Variants in SMARCA4 observed in about 807,000 individuals in gnomAD.
The protein encoded by SMARCA4 is SWI/SNF-related matrix-associated actin-dependent regulator of chromatin subfamily A member 4.
SMARCA4 carries 31 observed loss-of-function variants against 193.9 expected under a neutral mutation model. The ratio of observed to expected loss-of-function variants is 0.16; its 90% confidence interval spans 0.12 to 0.22. The LOEUF (loss-of-function observed/expected upper bound fraction) is 0.22, where lower values mean the gene tolerates loss of function less well. Among genes scored for constraint, SMARCA4 ranks in the 10% least tolerant of loss-of-function variants. The pLI, the probability that SMARCA4 is intolerant of heterozygous loss-of-function variation, is 1.00. For missense variants in SMARCA4, 1,148 were observed against 2,296.0 expected (o/e 0.50, Z 10.22); for synonymous variants, 942 against 933.1 (o/e 1.01, Z -0.17).
intron 24 of SMARCA4, among the ~76,000 whole-genome samples, chr19:11,028,826 A>G (rs1265206706): frequency 6.8e-6 from 1 of 147,060 alleles, no homozygotes. Context: ...CTTACGAGAA[A>G]CACGAGCATG....
chr19:10,987,130 T>C lies in SMARCA4; in HGVS notation c.859+127T>C. 1 of 723,426 alleles carries C rather than the reference T, an allele frequency of 1.4e-6. No individual in the cohort carries two copies. Among genetic ancestry groups the C allele is most frequent in the Admixed American group, 2.0e-5 (1 of 49,208 alleles). 44.8% of individuals were successfully genotyped at this position (723,426 alleles called of 1,614,324 possible). On this transcript the variant is annotated intron_variant, in intron 5 of 34. Transcript: ENST00000344626. The surrounding 1 kb of genome is among the most constrained non-coding windows in gnomAD (Gnocchi z 5.3). ...TCAGGCTGAACTGCAGCCTGTACTT[T>C]TCTTGTGGTGGTCCCCGGGTCTCCC...
intron 1 of SMARCA4, among the ~76,000 whole-genome samples, chr19:10,973,015 A>G (rs2084805807): frequency 6.6e-6 from 1 of 152,012 alleles, no homozygotes. Flanking sequence ...AGGCCGGGGC[A>G]GGAGAATTGC....
At chr19:10,991,094 A>C (rs1600020771) in intron 7 of SMARCA4, 56 bp from the exon 8 acceptor site, 1 of 1,607,072 alleles carries the variant, frequency 6.2e-7, no homozygotes, top group East Asian at 2.2e-5. Context: ...CGTGTTTGTC[A>C]TTGTGGATGC....
At position 11,007,894 on chromosome 19, in the gene SMARCA4, C is replaced by A. The variant is rs1321200464; in HGVS notation, c.2002-8C>A. 5 of 1,613,450 alleles carry A rather than the reference C, an allele frequency of 3.1e-6. No individual in the cohort carries two copies. Among genetic ancestry groups the A allele is most frequent in the Non-Finnish European group, 4.2e-6 (5 of 1,179,760 alleles). ...GAACTGAGGTGACATGGGCTTGTCT[C>A]TTGGTAGGAGGAGGAGGAAGAGCAG... On this transcript the variant is annotated splice_region_variant and splice_polypyrimidine_tract_variant and intron_variant, in intron 13 of 34. Transcript: ENST00000344626.
At chr19:10,972,086 A>C (rs1384432471) in intron 1 of SMARCA4, among the ~76,000 whole-genome samples, 1 of 151,496 alleles carries the variant, frequency 6.6e-6, no homozygotes, top group Non-Finnish European at 1.5e-5. Flanking sequence ...CCCCACACCG[A>C]GTAGCTGGGA....
At chr19:11,047,626 T>C (rs192370345) in intron 30 of SMARCA4, 1 of 152,304 alleles carries the variant, frequency 6.6e-6, no homozygotes, top group Admixed American at 6.5e-5. Flanking sequence ...GCCAGGCTGG[T>C]CTCGAACTCC....
Position 11,043,093 on chromosome 19 carries a change from C to T in SMARCA4, c.4424+1533C>T, listed in dbSNP as rs896409526. 3.9e-5 allele frequency among the ~76,000 whole-genome samples: 6 copies of T among 152,150 alleles called. No individual in the cohort carries two copies. In the East Asian group the frequency reaches 7.7e-4, roughly 20 times the overall value. On this transcript the variant is annotated intron_variant, in intron 30 of 34. Transcript: ENST00000344626. ...ATCACTTGAGGTCAGGAGTTTGAAACCAGCATGGCCAATATGGCGAAACCC... is the reference window on the plus strand; with the variant it reads ...ATCACTTGAGGTCAGGAGTTTGAAATCAGCATGGCCAATATGGCGAAACCC...
At chr19:11,028,277 G>T (rs926097280) in intron 24 of SMARCA4, among the ~76,000 whole-genome samples, 2 of 152,218 alleles carry the variant, frequency 1.3e-5, no homozygotes, top group Non-Finnish European at 2.9e-5. Flanking sequence ...AGCACCAATA[G>T]GCTTACATAG....
At chr19:11,004,499 C>T (rs144704436) in intron 13 of SMARCA4, among the ~76,000 whole-genome samples, 2 of 152,212 alleles carry the variant, frequency 1.3e-5, no homozygotes, top group African/African-American at 2.4e-5. Context: ...GATCCACCCA[C>T]CTGGGCCTCC....
chr19:11,040,735 T>G (rs957586247), intron 29 of SMARCA4: 2 of 152,008 alleles, frequency 1.3e-5, no homozygotes, highest in Non-Finnish European at 2.9e-5. Context: ...TGGGCAATAT[T>G]ATGAGACCCC....
At chr19:10,992,834 G>T (rs138911317) in intron 8 of SMARCA4, among the ~76,000 whole-genome samples, 5 of 151,860 alleles carry the variant, frequency 3.3e-5, no homozygotes, top group Non-Finnish European at 5.9e-5. Context: ...CTCGTGATCC[G>T]CCTGCCTCGG....
rs2076644332 is a variant in SMARCA4, at chr19:11,058,082, G to A, written c.4425-173G>A. 6.6e-6 allele frequency among the ~76,000 whole-genome samples: 1 copy of A among 151,616 alleles called. No homozygotes were observed. Among genetic ancestry groups the A allele is most frequent in the African/African-American group, 2.4e-5 (1 of 41,322 alleles). On this transcript the variant is annotated intron_variant, in intron 30 of 34. Coordinates refer to ENST00000344626, the MANE Select transcript of SMARCA4 (RefSeq NM_003072.5). This position sits in a 1 kb window ranked among gnomAD's most constrained non-coding sequence, Gnocchi z 5.8. ...GATCGCACCATTGCACTCCAGCCTG[G>A]GCAGCAAGAGCGAAACTCCGTCTCA...
chr19:11,039,412 G>T (rs757009765), intron 29 of SMARCA4: 3 of 1,158,384 alleles, frequency 2.6e-6, no homozygotes, highest in African/African-American at 3.1e-5. Flanking sequence ...ATTAGGGCAC[G>T]TTGTGCACTG....
At chr19:11,010,801 G>T in intron 15 of SMARCA4, 1 of 497,298 alleles carries the variant, frequency 2.0e-6, no homozygotes, top group Non-Finnish European at 3.7e-6. Context: ...TTGCACTCCA[G>T]TGGCCTCACA....
Position 10,986,791 on chromosome 19 carries a change from G to A in SMARCA4, c.761-114G>A, listed in dbSNP as rs193138968. 16 of 1,232,166 alleles carry A rather than the reference G, an allele frequency of 1.3e-5. 1 individual carries two copies. The highest frequency in any genetic ancestry group is 7.4e-5 in the African/African-American group (5 of 67,414). 76.3% of individuals were successfully genotyped at this position (1,232,166 alleles called of 1,614,324 possible). A position where few individuals can be genotyped will look rare whatever the true frequency, so the allele number is the denominator to read the frequency against. On this transcript the variant is annotated intron_variant, in intron 4 of 34. Transcript: ENST00000344626. This position sits in a 1 kb window ranked among gnomAD's most constrained non-coding sequence, Gnocchi z 6.7. ...CCAGCTCCCCGCTTCCCCTGGGGCC[G>A]CTGGTTAATAGGTGTATCTGCTGTG...
chr19:11,031,116 G>GCTTATA lies in SMARCA4; in HGVS notation c.3546+224_3546+225insTTATAC. 1.7e-6 allele frequency: 1 copy of GCTTATA among 596,246 alleles called. No individual in the cohort carries two copies. 36.9% of individuals were successfully genotyped at this position (596,246 alleles called of 1,614,324 possible). On this transcript the variant is annotated intron_variant, in intron 25 of 34. Transcript: ENST00000344626. The surrounding 1 kb of genome is among the most constrained non-coding windows in gnomAD (Gnocchi z 4.3). ...ACAGCCTTTCCCTCTGATTGGGAAAGCAGTGTATAAGCCATCCGTCGGTTT... is the reference window on the plus strand; with the variant it reads ...ACAGCCTTTCCCTCTGATTGGGAAAGCTTATACAGTGTATAAGCCATCCGTCGGTTT...
rs1060504435 is a variant in SMARCA4 at position 10,985,293 on chromosome 19, G to T, written c.243G>T (p.Glu81Asp). 1 of 1,614,058 alleles carries T rather than the reference G, an allele frequency of 6.2e-7. No individual in the cohort carries two copies. Among genetic ancestry groups the T allele is most frequent in the Non-Finnish European group, 8.5e-7 (1 of 1,180,012 alleles). ...QMHKPMESMH[E>D]KGMSDDPRYN... The stretch of plus-strand genomic sequence containing the variant: ...CGCAGCCCATGGAGTCCATGCATGA[G>T]AAGGGCATGTCGGACGACCCGCGCT... Residue 81 changes from glutamate (E) to aspartate (D), a missense_variant, in exon 3 of 35, where the codon GAG becomes GAT. Coordinates refer to ENST00000344626, the MANE Select transcript of SMARCA4 (RefSeq NM_003072.5). This position sits in a 1 kb window ranked among gnomAD's most constrained non-coding sequence, Gnocchi z 4.5.
chr19:11,033,610 TA>T lies in SMARCA4; in HGVS notation c.3774+94del. The T allele has an allele frequency of 2.1e-6, 2 of 965,300 alleles. No individual in the cohort carries two copies. The highest frequency in any genetic ancestry group is 2.4e-5 in the East Asian group (1 of 41,044). The allele number at this position is 965,300 out of a possible 1,614,324, so 59.8% of individuals were successfully genotyped here. A position where few individuals can be genotyped will look rare whatever the true frequency, so the allele number is the denominator to read the frequency against. ...TGTTTTTTTACCTTTTTTGCACTCT[TA>T]TTTTTTTTGCATCCCTTTGGAGTAA... On this transcript the variant is annotated intron_variant, in intron 26 of 34. Transcript: ENST00000344626. This position sits in a 1 kb window ranked among gnomAD's most constrained non-coding sequence, Gnocchi z 9.8.
intron 30 of SMARCA4, among the ~76,000 whole-genome samples, chr19:11,057,513 G>A (rs1479289866): frequency 1.3e-5 from 2 of 152,054 alleles, no homozygotes; most frequent in Admixed American, 6.6e-5. Context: ...GGCAGATCAC[G>A]AGGTCAAGAG....
Sources: allele counts gnomAD v4.1 joint callset (sites outside exome capture counted in the v4.1 genomes callset), GRCh38; gene constraint gnomAD v4.1.1; non-coding constraint Gnocchi (gnomAD v3.1); transcripts MANE v1.5; gene names NCBI Gene and HGNC (gene_info 2026-07-23, HGNC 2026-07-21).